ULK4: variants seen among roughly 807,000 people sequenced by gnomAD.
ULK4 encodes the protein unc-51 like kinase 4.
Under a neutral mutation model 160.6 loss-of-function variants are expected in ULK4, and 133 were observed. That is an observed-to-expected ratio of 0.83 (90% CI 0.72 to 0.96). The LOEUF is 0.96. Ranked by LOEUF, ULK4 falls within the 40% of genes least tolerant of loss-of-function variation. ULK4 has a pLI of 0.00. For synonymous variants in ULK4, 534 were observed against 539.8 expected, an observed-to-expected ratio of 0.99 and a Z score of 0.15; for missense variants, 1,580 against 1,499.5, an observed-to-expected ratio of 1.05 and a Z score of -0.89.
intron 19 of ULK4, among the ~76,000 whole-genome samples, chr3:41,804,583 C>T (rs2040579891): frequency 6.6e-6 from 1 of 151,732 alleles, no homozygotes; most frequent in Admixed American, 6.6e-5. Context: ...ATGGTATTGC[C>T]TAGGTTGTCT....
At chr3:41,688,434 T>C (rs2036171343) in intron 27 of ULK4, among the ~76,000 whole-genome samples, 1 of 152,198 alleles carries the variant, frequency 6.6e-6, no homozygotes, top group African/African-American at 2.4e-5. Context: ...CAAAGGTACT[T>C]ACTAAGAATA....
At chr3:41,279,244 G>GAA (rs1443710678) in intron 35 of ULK4, among the ~76,000 whole-genome samples, 1 of 52,958 alleles carries the variant, frequency 1.9e-5, no homozygotes, top group Admixed American at 1.9e-4. Context: ...AAAGATTAGA[G>GAA]AAAAAAAGAG....
At chr3:41,264,553 G>A (rs555052724) in intron 35 of ULK4, among the ~76,000 whole-genome samples, 8 of 152,204 alleles carry the variant, frequency 5.3e-5, no homozygotes, top group Non-Finnish European at 8.8e-5. Context: ...GAGCAAACAG[G>A]AGAAGAGTCT....
chr3:41,412,742 G>A (rs946005234), intron 34 of ULK4, among the ~76,000 whole-genome samples: 1 of 151,614 alleles, frequency 6.6e-6, no homozygotes, highest in African/African-American at 2.4e-5. Context: ...TGTATTTTTA[G>A]TAGAGACGGG....
At chr3:41,925,556 C>T (rs1013307909) in intron 5 of ULK4, among the ~76,000 whole-genome samples, 1 of 152,084 alleles carries the variant, frequency 6.6e-6, no homozygotes, top group African/African-American at 2.4e-5. Flanking sequence ...GAGACAGGAC[C>T]GTTCACTGCC....
chr3:41,456,783 G>A (rs1366470048), intron 33 of ULK4, among the ~76,000 whole-genome samples: 1 of 152,160 alleles, frequency 6.6e-6, no homozygotes, highest in African/African-American at 2.4e-5. Context: ...CAGGCCACAG[G>A]CTGCCCTGCC....
At chr3:41,589,722 A>G (rs2031135316) in intron 31 of ULK4, among the ~76,000 whole-genome samples, 1 of 152,192 alleles carries the variant, frequency 6.6e-6, no homozygotes, top group Non-Finnish European at 1.5e-5. Flanking sequence ...ATTGCCTACC[A>G]GAAAAAAATC....
At chr3:41,874,816 T>C (rs115003735) in intron 17 of ULK4, among the ~76,000 whole-genome samples, 367 of 152,296 alleles carry the variant, frequency 2.4e-3, no homozygotes, top group African/African-American at 7.9e-3. Flanking sequence ...AACTCATCCA[T>C]GTAATCAAAA....
chr3:41,454,306 A>G (rs1415977481), intron 34 of ULK4, among the ~76,000 whole-genome samples: 4 of 150,640 alleles, frequency 2.7e-5, no homozygotes, highest in African/African-American at 4.9e-5. Flanking sequence ...TTGGGAGGCC[A>G]AGGCAGGCGG....
chr3:41,564,331 A>G (rs992833389), intron 32 of ULK4, among the ~76,000 whole-genome samples: 1 of 151,876 alleles, frequency 6.6e-6, no homozygotes, highest in African/African-American at 2.4e-5. Context: ...TTAGGCTACA[A>G]GGGGGTCAGG....
intron 22 of ULK4, among the ~76,000 whole-genome samples, chr3:41,729,321 C>G (rs974945599): frequency 6.6e-6 from 1 of 152,210 alleles, no homozygotes; most frequent in African/African-American, 2.4e-5. Flanking sequence ...GCTGAAGAAT[C>G]TCGCACTCCT....
At chr3:41,589,947 A>G (rs1215780882) in intron 31 of ULK4, among the ~76,000 whole-genome samples, 1 of 152,162 alleles carries the variant, frequency 6.6e-6, no homozygotes, top group East Asian at 1.9e-4. Flanking sequence ...TCAAGAGTGC[A>G]GAGGAAAATG....
At chr3:41,944,578 C>G (rs567603135) in intron 2 of ULK4, among the ~76,000 whole-genome samples, 1 of 152,182 alleles carries the variant, frequency 6.6e-6, no homozygotes, top group East Asian at 1.9e-4. Context: ...TGGCCTCTAC[C>G]TTCTCCCACT....
chr3:41,462,724 A>C (rs2083717776), intron 33 of ULK4, among the ~76,000 whole-genome samples: 1 of 152,156 alleles, frequency 6.6e-6, no homozygotes, highest in Admixed American at 6.6e-5. Flanking sequence ...TAGAAAGCTG[A>C]CCTATCCTGC....
chr3:41,668,326 G>A (rs752957949), intron 29 of ULK4, among the ~76,000 whole-genome samples: 15 of 152,106 alleles, frequency 9.9e-5, no homozygotes, highest in Non-Finnish European at 2.1e-4. Context: ...AAGAATACAC[G>A]TATACAGTCA....
At chr3:41,905,757 A>G (rs1559641221) in intron 12 of ULK4, among the ~76,000 whole-genome samples, 1 of 152,236 alleles carries the variant, frequency 6.6e-6, no homozygotes, top group South Asian at 2.1e-4. Context: ...GTAAATGCAA[A>G]TCAACACCAC....
intron 35 of ULK4, among the ~76,000 whole-genome samples, chr3:41,367,525 C>G (rs951851804): frequency 3.9e-5 from 6 of 152,050 alleles, no homozygotes; most frequent in Non-Finnish European, 5.9e-5. Flanking sequence ...ATGGCTGGAG[C>G]TGGGGCCCAC....
intron 21 of ULK4, among the ~76,000 whole-genome samples, chr3:41,763,554 C>A (rs754120925): frequency 1.3e-5 from 2 of 152,186 alleles, no homozygotes; most frequent in Non-Finnish European, 2.9e-5. Flanking sequence ...ATTTTATTGT[C>A]ATATAATATT....
intron 34 of ULK4, among the ~76,000 whole-genome samples, chr3:41,426,791 C>A (rs967884334): frequency 6.6e-6 from 1 of 152,012 alleles, no homozygotes; most frequent in Non-Finnish European, 1.5e-5. Flanking sequence ...ATTTACAGCA[C>A]TAAATGCCCA....
Sources: gnomAD v4.1 joint callset for allele counts (sites outside exome capture counted in the v4.1 genomes callset) on GRCh38, gnomAD v4.1.1 for gene constraint, MANE v1.5 for transcripts, NCBI Gene and HGNC (gene_info 2026-07-23, HGNC 2026-07-21) for gene names.